GREM2: variants seen among roughly 807,000 people sequenced by gnomAD.
GREM2 encodes gremlin 2, DAN family BMP antagonist.
In GREM2, 11 loss-of-function variants were observed where a neutral mutation model predicts 14.2. That is an observed-to-expected ratio of 0.78 (90% CI 0.49 to 1.28). The LOEUF (loss-of-function observed/expected upper bound fraction) is 1.28. Among genes scored for constraint, GREM2 ranks in the 50% most tolerant of loss-of-function variants. The pLI is 0.00. For missense variants in GREM2, 210 were observed against 218.5 expected (o/e 0.96, Z 0.24); for synonymous variants, 98 against 97.6 (o/e 1.00, Z -0.02).
chr1:240,588,843 G>A lies in GREM2; in HGVS notation c.-2+23041C>T, dbSNP rs1033990322. On this transcript the variant is annotated intron_variant, in intron 1 of 1. Coordinates refer to ENST00000318160, the MANE Select transcript of GREM2 (RefSeq NM_022469.4). ...AAGTTTGTTTCCGGCTGGGCTGGAT[G>A]GCTCAAACCTACAACCCCAGAACTT... The A allele has an allele frequency of 5.3e-5, 8 of 152,276 alleles. No individual in the cohort carries two copies. The East Asian group carries it at 5.8e-4, about 11-fold the overall frequency. The allele number at this position is 152,276 out of a possible 1,614,324, so 9.4% of individuals were successfully genotyped here.
intron 1 of GREM2, among the ~76,000 whole-genome samples, chr1:240,582,219 C>T (rs1679498415): frequency 6.6e-6 from 1 of 152,182 alleles, no homozygotes; most frequent in Admixed American, 6.5e-5. Context: ...GGGTGGATCA[C>T]AAGGTCAAGA....
chr1:240,575,253 GTA>G (rs1209452375), intron 1 of GREM2, among the ~76,000 whole-genome samples: 1 of 152,090 alleles, frequency 6.6e-6, no homozygotes, highest in African/African-American at 2.4e-5. Context: ...TTAGCTAGTA[GTA>G]TAGTCTCAGG....
chr1:240,588,141 C>G (rs532323756), intron 1 of GREM2, among the ~76,000 whole-genome samples: 1 of 152,154 alleles, frequency 6.6e-6, no homozygotes, highest in African/African-American at 2.4e-5. Flanking sequence ...CCAGAAGGGA[C>G]GATTCTGAGG....
intron 1 of GREM2, among the ~76,000 whole-genome samples, chr1:240,559,190 C>A (rs1264302541): frequency 6.6e-6 from 1 of 152,080 alleles, no homozygotes; most frequent in South Asian, 2.1e-4. Context: ...GTCTACAGTG[C>A]ACTTGGATCT....
chr1:240,598,553 G>A (rs1679863261), intron 1 of GREM2, among the ~76,000 whole-genome samples: 1 of 152,186 alleles, frequency 6.6e-6, no homozygotes. Flanking sequence ...TCAGTCATCA[G>A]CAGTGCTGTC....
In GREM2 at chr1:240,498,048, A is replaced by T. The variant is rs114267395; in HGVS notation, c.-1-4572T>A. On this transcript the variant is annotated intron_variant, in intron 1 of 1. Coordinates refer to ENST00000318160, the MANE Select transcript of GREM2 (RefSeq NM_022469.4). Reference sequence around the variant, plus strand: ...GCATGGCTGATAGACTCAAAAATGCACGCTTTCCTTCAACAGGTCCTAGAT... The same window carrying T: ...GCATGGCTGATAGACTCAAAAATGCTCGCTTTCCTTCAACAGGTCCTAGAT... Among the ~76,000 whole-genome samples the T allele has an allele frequency of 4.5e-3, 689 of 152,312 alleles. 3 individuals are homozygous for T. The highest frequency in any genetic ancestry group is 0.016 in the African/African-American group (649 of 41,572).
intron 1 of GREM2, among the ~76,000 whole-genome samples, chr1:240,499,888 A>G (rs1219998882): frequency 6.6e-6 from 1 of 152,240 alleles, no homozygotes; most frequent in Non-Finnish European, 1.5e-5. Context: ...TATAATGCCC[A>G]TGGTCTAAAA....
At chr1:240,596,920 T>A (rs1000568717) in intron 1 of GREM2, among the ~76,000 whole-genome samples, 4 of 152,214 alleles carry the variant, frequency 2.6e-5, no homozygotes, top group African/African-American at 9.6e-5. Flanking sequence ...GACCTTTTGA[T>A]AGTCACTTTC....
chr1:240,529,289 TA>T (rs911337776), intron 1 of GREM2, among the ~76,000 whole-genome samples: 2 of 150,336 alleles, frequency 1.3e-5, no homozygotes, highest in Non-Finnish European at 3.0e-5. Flanking sequence ...TTTTTTCTTA[TA>T]AAGTTTGTTA....
Position 240,579,631 on chromosome 1 carries a change from AAC to A in GREM2, c.-2+32251_-2+32252del, listed in dbSNP as rs1679445249. Among the ~76,000 whole-genome samples, 4 of 152,300 alleles carry A rather than the reference AAC, an allele frequency of 2.6e-5. No individual in the cohort carries two copies. In the South Asian group the frequency reaches 8.3e-4, roughly 32 times the overall value. On this transcript the variant is annotated intron_variant, in intron 1 of 1. Transcript: ENST00000318160. The stretch of plus-strand genomic sequence containing the variant: ...GAATTTGCAGTCTCATAAGGGTGTG[AAC>A]ATCTCTCTACATGAGTAACTATAAT...
intron 1 of GREM2, among the ~76,000 whole-genome samples, chr1:240,504,418 T>C (rs1677637274): frequency 6.6e-6 from 1 of 152,192 alleles, no homozygotes; most frequent in South Asian, 2.1e-4. Context: ...AAGGGTAGTT[T>C]TAGGGGAATC....
chr1:240,493,541 AT>A (rs763321765), intron 1 of GREM2, 65 bp from the exon 2 acceptor site: 23,179 of 1,104,628 alleles, frequency 0.021, no homozygotes, highest in Non-Finnish European at 0.023. Context: ...AATCTTACTT[AT>A]TTTTTTTTTT....
At chr1:240,534,843 A>G (rs13374186) in intron 1 of GREM2, among the ~76,000 whole-genome samples, 2,353 of 152,234 alleles carry the variant, frequency 0.015, 45 homozygotes, top group African/African-American at 0.054. Flanking sequence ...ATGGGCGGGA[A>G]GAAGGGACAG....
At chr1:240,510,571 C>G (rs903407144) in intron 1 of GREM2, among the ~76,000 whole-genome samples, 1 of 151,852 alleles carries the variant, frequency 6.6e-6, no homozygotes, top group African/African-American at 2.4e-5. Flanking sequence ...AACTTTGCAA[C>G]ACTTTTCAGT....
chr1:240,545,364 G>T (rs1168918967), intron 1 of GREM2, among the ~76,000 whole-genome samples: 1 of 152,230 alleles, frequency 6.6e-6, no homozygotes, highest in African/African-American at 2.4e-5. Flanking sequence ...GCCTCTTCGT[G>T]CGTGCCTTGT....
At chr1:240,577,585 G>A (rs775938651) in intron 1 of GREM2, among the ~76,000 whole-genome samples, 1 of 152,162 alleles carries the variant, frequency 6.6e-6, no homozygotes, top group Non-Finnish European at 1.5e-5. Flanking sequence ...AACACAGTTC[G>A]GGTCTTAACT....
intron 1 of GREM2, among the ~76,000 whole-genome samples, chr1:240,518,838 G>T (rs1213349508): frequency 1.3e-5 from 2 of 152,134 alleles, no homozygotes; most frequent in East Asian, 3.9e-4. Context: ...GAAAACAAAG[G>T]CTCTCAAAGT....
intron 1 of GREM2, among the ~76,000 whole-genome samples, chr1:240,538,001 T>G (rs1678509669): frequency 6.6e-6 from 1 of 152,182 alleles, no homozygotes; most frequent in African/African-American, 2.4e-5. Flanking sequence ...AAAACCCGAG[T>G]TTTGCTTTAT....
At position 240,493,005 on chromosome 1, in the gene GREM2, G is replaced by C; in HGVS notation, c.471C>G (p.Cys157Trp). 1 of 1,572,896 alleles carries C rather than the reference G, an allele frequency of 6.4e-7. No homozygotes were observed. Among genetic ancestry groups the C allele is most frequent in the Non-Finnish European group, 8.7e-7 (1 of 1,154,622 alleles). ...CCGAGTCGCTCAGGTTCACGGACAT[G>C]CACCGGCACTGCTTCACCTTCTGGA... ...KKIQKVKQCRCMSVNLSDSDK... is the reference protein window; with the variant it reads ...KKIQKVKQCRWMSVNLSDSDK... The change falls in exon 2 of 2, where the codon TGC becomes TGG. Residue 157 changes from cysteine to tryptophan, a missense_variant. By Grantham distance (215) the Cys-to-Trp change is radical. Transcript: ENST00000318160.
Sources: gnomAD v4.1 joint callset for allele counts (sites outside exome capture counted in the v4.1 genomes callset) on GRCh38, gnomAD v4.1.1 for gene constraint, MANE v1.5 for transcripts, NCBI Gene and HGNC (gene_info 2026-07-23, HGNC 2026-07-21) for gene names.